The following CMKLR2 variants were observed in gnomAD, a reference collection of about 807,000 sequenced individuals.
CMKLR2 encodes the protein chemerin chemokine-like receptor 2.
In CMKLR2, 18 loss-of-function variants were observed where a neutral mutation model predicts 23.0. That is an observed-to-expected ratio of 0.78 (90% CI 0.54 to 1.16). CMKLR2 has a LOEUF of 1.16. CMKLR2 is among the 50% of genes most tolerant of loss of function. The pLI, the probability that CMKLR2 is intolerant of heterozygous loss-of-function variation, is 0.00. For synonymous variants in CMKLR2, 158 were observed against 158.9 expected (o/e 0.99, Z 0.05); for missense variants, 401 against 412.7 (o/e 0.97, Z 0.25).
intron 1 of CMKLR2, among the ~76,000 whole-genome samples, chr2:206,201,987 G>A (rs1275997859): frequency 1.3e-5 from 2 of 152,142 alleles, no homozygotes; most frequent in African/African-American, 2.4e-5. Flanking sequence ...ATTGAGGGGC[G>A]CTAATGTTAG....
chr2:206,188,172 G>T (rs1247833566), intron 1 of CMKLR2, among the ~76,000 whole-genome samples: 1 of 152,110 alleles, frequency 6.6e-6, no homozygotes, highest in Non-Finnish European at 1.5e-5. Flanking sequence ...GACCTCAAGT[G>T]CTCCATCCCC....
In CMKLR2 at chr2:206,207,719, C is replaced by T. The variant is rs142209267; in HGVS notation, c.-29+5588G>A. Among the ~76,000 whole-genome samples, 684 of 82,606 alleles carry T rather than the reference C, an allele frequency of 8.3e-3. 12 individuals are homozygous for T. Among genetic ancestry groups the T allele is most frequent in the African/African-American group, 0.04 (651 of 16,464 alleles). 54.2% of individuals were successfully genotyped at this position (82,606 alleles called of 152,430 possible). On this transcript the variant is annotated intron_variant, in intron 1 of 1. Transcript: ENST00000621141. ...AGACTAAACATCTGGGTCTGTCTGACCTCAGGGCCTTTTTTTTTTTTTTTT... is the reference window on the plus strand; with the variant it reads ...AGACTAAACATCTGGGTCTGTCTGATCTCAGGGCCTTTTTTTTTTTTTTTT...
At chr2:206,210,594 G>A (rs958347065) in intron 1 of CMKLR2, among the ~76,000 whole-genome samples, 20 of 151,944 alleles carry the variant, frequency 1.3e-4, no homozygotes, top group African/African-American at 4.8e-4. Context: ...AAGTAGCTGG[G>A]GTTACAGGCA....
intron 1 of CMKLR2, among the ~76,000 whole-genome samples, chr2:206,203,160 A>G (rs896866720): frequency 3.0e-5 from 3 of 99,434 alleles, no homozygotes; most frequent in Non-Finnish European, 6.5e-5. Flanking sequence ...TTCTAAAACT[A>G]CAAAAAAAAA....
intron 1 of CMKLR2, among the ~76,000 whole-genome samples, chr2:206,204,590 G>A (rs1689243631): frequency 6.6e-6 from 1 of 151,528 alleles, no homozygotes; most frequent in South Asian, 2.1e-4. Flanking sequence ...ACAGAGTCTC[G>A]CTCTGTCGCC....
chr2:206,217,858 A>C (rs1248082215), upstream of CMKLR2: 1 of 152,264 alleles, frequency 6.6e-6, no homozygotes, highest in East Asian at 1.9e-4. Flanking sequence ...GTGCGTGGCC[A>C]AAGTTTTCAG....
At chr2:206,204,283 G>T (rs1424261499) in intron 1 of CMKLR2, among the ~76,000 whole-genome samples, 2 of 150,234 alleles carry the variant, frequency 1.3e-5, no homozygotes, top group Non-Finnish European at 3.0e-5. Context: ...GAACCCGGGA[G>T]GCGGAGCTTA....
In CMKLR2 at chr2:206,176,535, A is replaced by G. The variant is rs746310435; in HGVS notation, c.713T>C (p.Ile238Thr). 6.2e-7 allele frequency: 1 copy of G among 1,614,126 alleles called. No individual in the cohort carries two copies. The highest frequency in any genetic ancestry group is 8.5e-7 in the Non-Finnish European group (1 of 1,180,026). Residue 238 changes from isoleucine (I) to threonine (T), a missense_variant, in exon 2 of 2, where the codon ATC becomes ACC. Transcript: ENST00000621141. ...CLIFKVKKRS[I>T]LISSRHFWTI... ...CCAGAAATGCCTACTGGAGATCAGGATGCTTCGCTTCTTCACCTTGAAGAT... is the reference window on the plus strand; with the variant it reads ...CCAGAAATGCCTACTGGAGATCAGGGTGCTTCGCTTCTTCACCTTGAAGAT...
At chr2:206,206,890 T>C (rs1023623722) in intron 1 of CMKLR2, among the ~76,000 whole-genome samples, 1 of 150,996 alleles carries the variant, frequency 6.6e-6, no homozygotes, top group Non-Finnish European at 1.5e-5. Context: ...ATCAAATCCA[T>C]TAGTTCCTGT....
chr2:206,196,675 GA>G lies in CMKLR2; in HGVS notation c.-29+16631del, dbSNP rs1688933430. On this transcript the variant is annotated intron_variant, in intron 1 of 1. Transcript: ENST00000621141. ...GCCCAGTGGAGCAGCCAGTTTGTAAGAACAGTTTTTAATTTTGAGCTTTTAT... is the reference window on the plus strand; with the variant it reads ...GCCCAGTGGAGCAGCCAGTTTGTAAGACAGTTTTTAATTTTGAGCTTTTAT... 2.0e-5 allele frequency among the ~76,000 whole-genome samples: 3 copies of G among 152,186 alleles called. No individual in the cohort carries two copies. In the South Asian group the frequency reaches 6.2e-4, roughly 31 times the overall value.
intron 1 of CMKLR2, among the ~76,000 whole-genome samples, chr2:206,190,180 C>T (rs1434288557): frequency 2.0e-5 from 3 of 152,080 alleles, no homozygotes; most frequent in Non-Finnish European, 4.4e-5. Flanking sequence ...TACTTAATGC[C>T]AGGCATTAAG....
chr2:206,191,635 A>T (rs1688750050), intron 1 of CMKLR2, among the ~76,000 whole-genome samples: 3 of 149,878 alleles, frequency 2.0e-5, no homozygotes, highest in Admixed American at 6.7e-5. Flanking sequence ...AAAATATTAT[A>T]CTGTATAGTA....
chr2:206,183,195 T>C (rs1688470314), intron 1 of CMKLR2, among the ~76,000 whole-genome samples: 1 of 152,164 alleles, frequency 6.6e-6, no homozygotes, highest in Non-Finnish European at 1.5e-5. Flanking sequence ...CTGTTAGCAA[T>C]TCAGAAGCCA....
chr2:206,190,562 G>T (rs1431657759), intron 1 of CMKLR2, among the ~76,000 whole-genome samples: 1 of 152,150 alleles, frequency 6.6e-6, no homozygotes, highest in Non-Finnish European at 1.5e-5. Context: ...TTTGAGAAAT[G>T]AATAGAATCT....
At position 206,176,920 on chromosome 2, in the gene CMKLR2, A is replaced by C. The variant is rs1688244695; in HGVS notation, c.328T>G (p.Cys110Gly). ...NFHWPFGIWL[C>G]KANSFTAQLN... is the part of the protein sequence containing the mutation. ...TGGGCAGTGAAGGAATTGGCTTTGC[A>C]CAGCCAGATGCCAAAGGGCCAGTGG... The change falls in exon 2 of 2, where the codon TGC (cysteine) becomes GGC (glycine). Residue 110 changes from cysteine to glycine, a missense_variant. By Grantham distance (159) the Cys-to-Gly change is radical. Transcript: ENST00000621141. 6.2e-7 allele frequency: 1 copy of C among 1,614,248 alleles called. No homozygotes were observed. Among genetic ancestry groups the C allele is most frequent in the Non-Finnish European group, 8.5e-7 (1 of 1,180,052 alleles).
chr2:206,216,345 C>A (rs1419336539), upstream of CMKLR2, among the ~76,000 whole-genome samples: 1 of 152,182 alleles, frequency 6.6e-6, no homozygotes, highest in African/African-American at 2.4e-5. Flanking sequence ...TCCCCAGCTA[C>A]TTGGGAGGCT....
chr2:206,211,274 C>T lies in CMKLR2; in HGVS notation c.-29+2033G>A, dbSNP rs187319465. Among the ~76,000 whole-genome samples the T allele has an allele frequency of 4.8e-4, 73 of 152,246 alleles. No homozygotes were observed. In the East Asian group the frequency reaches 5.2e-3, roughly 11 times the overall value. ...TATTGGTCTCCACTGTATCCAGTTACGTAAAGCACTTAACATGGAGGAACT... is the reference window on the plus strand; with the variant it reads ...TATTGGTCTCCACTGTATCCAGTTATGTAAAGCACTTAACATGGAGGAACT... On this transcript the variant is annotated intron_variant, in intron 1 of 1. Transcript: ENST00000621141.
chr2:206,194,321 C>G (rs1688847565), intron 1 of CMKLR2, among the ~76,000 whole-genome samples: 2 of 151,998 alleles, frequency 1.3e-5, no homozygotes, highest in South Asian at 4.2e-4. Context: ...GGAGGAGATA[C>G]AAAGGAGTAT....
intron 1 of CMKLR2, among the ~76,000 whole-genome samples, chr2:206,206,213 G>T (rs1689311749): frequency 6.6e-6 from 1 of 152,186 alleles, no homozygotes; most frequent in African/African-American, 2.4e-5. Context: ...CTTGTTTGTT[G>T]TATGTAAAGA....
Sources: allele counts gnomAD v4.1 joint callset (sites outside exome capture counted in the v4.1 genomes callset), GRCh38; gene constraint gnomAD v4.1.1; transcripts MANE v1.5; gene names NCBI Gene and HGNC (gene_info 2026-07-23, HGNC 2026-07-21).